The following ALDH16A1 variants were observed in gnomAD, a reference collection of about 807,000 sequenced individuals.
ALDH16A1 encodes the protein aldehyde dehydrogenase 16 family member A1.
ALDH16A1 carries 88 observed loss-of-function variants against 96.1 expected under a neutral mutation model. The ratio of observed to expected loss-of-function variants is 0.92; its 90% CI spans 0.77 to 1.09. The LOEUF (loss-of-function observed/expected upper bound fraction) is 1.09. Among genes scored for constraint, ALDH16A1 ranks in the 50% least tolerant of loss-of-function variants. The pLI is 0.00. For missense variants in ALDH16A1, 1,250 were observed against 1,112.6 expected (o/e 1.12, Z -1.76); for synonymous variants, 522 against 496.4 (o/e 1.05, Z -0.69).
Position 49,462,616 on chromosome 19 carries a change from T to C in ALDH16A1, c.959T>C (p.Met320Thr). 2 of 1,613,060 alleles carry C rather than the reference T, an allele frequency of 1.2e-6. No individual in the cohort carries two copies. Among genetic ancestry groups the C allele is most frequent in the Middle Eastern group, 1.9e-4 (1 of 5,256 alleles). ...LIQESVWDEA[M>T]RRLQERMGRL... Reference sequence around the variant, plus strand: ...CAGGAGTCTGTGTGGGATGAAGCCATGAGACGGCTGCAGGAGCGGATGGGG... The same window carrying C: ...CAGGAGTCTGTGTGGGATGAAGCCACGAGACGGCTGCAGGAGCGGATGGGG... The change falls in exon 8 of 17, where the codon ATG becomes ACG. Residue 320 changes from methionine (M) to threonine (T), a missense_variant. Transcript: ENST00000293350.
intron 2 of ALDH16A1, 98 bp downstream of exon 2, chr19:49,458,686 A>C: frequency 3.8e-6 from 5 of 1,315,506 alleles, no homozygotes; most frequent in Non-Finnish European, 5.3e-6. Flanking sequence ...CCCTGAGGGC[A>C]GGAAACAGCT....
At chr19:49,457,409 G>A (rs140005264) in intron 1 of ALDH16A1, among the ~76,000 whole-genome samples, 1 of 150,716 alleles carries the variant, frequency 6.6e-6, no homozygotes. Flanking sequence ...TTAGCCAGGC[G>A]TGGTGGCAGG....
In ALDH16A1 at chr19:49,463,856, G is replaced by A. The variant is rs745641611; in HGVS notation, c.1101G>A (p.Val367=). The A allele has an allele frequency of 6.2e-7, 1 of 1,613,052 alleles. No individual in the cohort carries two copies. The highest frequency in any genetic ancestry group is 8.5e-7 in the Non-Finnish European group (1 of 1,179,366). The stretch of plus-strand genomic sequence containing the variant: ...TTCTAGATCATTTCTCTCCCTAGGT[G>A]TTCCAGGCTGGTGATGTGCCTTCGG... ...VREAQSQGAQ[V]FQAGDVPSER... is the part of the protein sequence containing the mutation. The change falls in exon 9 of 17, where the codon GTG becomes GTA. Residue 367 remains valine, a splice_region_variant and synonymous_variant. Coordinates refer to ENST00000293350, the MANE Select transcript of ALDH16A1 (RefSeq NM_153329.4).
chr19:49,468,840 C>T lies in ALDH16A1; in HGVS notation c.2125-24C>T, dbSNP rs753944324. The T allele has an allele frequency of 6.2e-6, 10 of 1,607,148 alleles. No homozygotes were observed. Among genetic ancestry groups the T allele is most frequent in the Non-Finnish European group, 8.5e-6 (10 of 1,175,978 alleles). On this transcript the variant is annotated intron_variant, in intron 15 of 16. Transcript: ENST00000293350. This position sits in a 1 kb window ranked among gnomAD's most constrained non-coding sequence, Gnocchi z 4.4. ...TGCCCTGCCCCCACGGCCTCCCCAA[C>T]CTTTCACTCTCTCTATCCCCTAGGA...
At chr19:49,464,047 G>T in intron 9 of ALDH16A1, 80 bp from the exon 10 acceptor site, 1 of 1,577,806 alleles carries the variant, frequency 6.3e-7, no homozygotes, top group Non-Finnish European at 8.6e-7. Context: ...TGACCTGGGC[G>T]TGGGGGCTGC....
rs778735122 is a variant in ALDH16A1, at chr19:49,470,349, C to T, written c.2291C>T (p.Pro764Leu). Residue 764 changes from proline to leucine, a missense_variant, in exon 17 of 17, where the codon CCG becomes CTG. Coordinates refer to ENST00000293350, the MANE Select transcript of ALDH16A1 (RefSeq NM_153329.4). ...VEWASAGNLKPVWASRGCPRA... is the reference protein window; with the variant it reads ...VEWASAGNLKLVWASRGCPRA... ...TGGGCCTCGGCAGGAAACCTCAAAC[C>T]GGTGTGGGCGAGCAGGGGCTGCCCG... is the stretch of plus-strand genomic sequence containing the variant. 1.2e-5 allele frequency: 20 copies of T among 1,613,262 alleles called. No homozygotes were observed. Among genetic ancestry groups the T allele is most frequent in the Middle Eastern group, 1.6e-4 (1 of 6,084 alleles).
intron 1 of ALDH16A1, 187 bp downstream of exon 1, chr19:49,453,608 T>G (rs2079086153): frequency 3.6e-6 from 2 of 559,652 alleles, no homozygotes; most frequent in Non-Finnish European, 6.4e-6. Context: ...GGTGGCAGCC[T>G]TTTAGTCTGT....
At chr19:49,457,421 G>A (rs1365718562) in intron 1 of ALDH16A1, among the ~76,000 whole-genome samples, 4 of 151,396 alleles carry the variant, frequency 2.6e-5, no homozygotes, top group African/African-American at 9.7e-5. Context: ...GGTGGCAGGC[G>A]CATGTAGTCC....
intron 1 of ALDH16A1, among the ~76,000 whole-genome samples, chr19:49,454,435 C>G (rs1001596848): frequency 7.9e-5 from 12 of 152,074 alleles, no homozygotes; most frequent in Non-Finnish European, 1.8e-4. Context: ...GTTCAGGAAC[C>G]CCTGAAGTCC....
At chr19:49,466,341 A>AGGCT in intron 14 of ALDH16A1, 58 bp downstream of exon 14, 1 of 1,406,014 alleles carries the variant, frequency 7.1e-7, no homozygotes, top group Non-Finnish European at 9.3e-7. Context: ...CTCAGACCAG[A>AGGCT]GGCTGTGAGA....
chr19:49,465,823 G>A lies in ALDH16A1; in HGVS notation c.1654G>A (p.Gly552Ser). Residue 552 changes from glycine to serine, a missense_variant, in exon 13 of 17, where the codon GGC becomes AGC. Transcript: ENST00000293350. ...RSSRPIRDSS[G>S]NLHGYVAEGG... ...CTCCAGGCCCATCCGGGATTCGTCT[G>A]GCAACCTCCATGGCTACGTGGCTGA... is the stretch of plus-strand genomic sequence containing the variant. 1 of 1,614,142 alleles carries A rather than the reference G, an allele frequency of 6.2e-7. No homozygotes were observed. Among genetic ancestry groups the A allele is most frequent in the Non-Finnish European group, 8.5e-7 (1 of 1,180,014 alleles).
intron 7 of ALDH16A1, among the ~76,000 whole-genome samples, chr19:49,462,244 G>GATTCTC (rs879319925): frequency 0.76 from 116,059 of 151,764 alleles, 45,225 homozygotes; most frequent in Middle Eastern, 0.87. Context: ...CCTGGGAGTA[G>GATTCTC]CTGCCTCAGC....
At chr19:49,457,313 C>T (rs940336311) in intron 1 of ALDH16A1, among the ~76,000 whole-genome samples, 6 of 151,750 alleles carry the variant, frequency 4.0e-5, no homozygotes, top group Admixed American at 6.6e-5. Context: ...TTTGGGAGGC[C>T]GAGGCGGGCG....
rs940071643 is a variant in ALDH16A1, at chr19:49,459,549, G to T, written c.321-121G>T. Reference sequence around the variant, plus strand: ...AAATCTTCACTGCCCTCTGCCCCAGGTAAATGGTGGGGATGCCTCAGGGGC... The same window carrying T: ...AAATCTTCACTGCCCTCTGCCCCAGTTAAATGGTGGGGATGCCTCAGGGGC... On this transcript the variant is annotated intron_variant, in intron 3 of 16. Coordinates refer to ENST00000293350, the MANE Select transcript of ALDH16A1 (RefSeq NM_153329.4). This position sits in a 1 kb window ranked among gnomAD's most constrained non-coding sequence, Gnocchi z 4.1. The T allele has an allele frequency of 3.5e-6, 4 of 1,144,862 alleles. No individual in the cohort carries two copies. Among genetic ancestry groups the T allele is most frequent in the Non-Finnish European group, 4.8e-6 (4 of 830,462 alleles). 70.9% of individuals were successfully genotyped at this position (1,144,862 alleles called of 1,614,324 possible). A position where few individuals can be genotyped will look rare whatever the true frequency, so the allele number is the denominator to read the frequency against.
intron 1 of ALDH16A1, chr19:49,453,633 C>G: frequency 1.9e-6 from 1 of 522,332 alleles, no homozygotes; most frequent in South Asian, 2.7e-5. Flanking sequence ...GTCTTCCCCA[C>G]TGGTTCTCTT....
At chr19:49,454,094 A>G (rs1030917520) in intron 1 of ALDH16A1, among the ~76,000 whole-genome samples, 1 of 142,290 alleles carries the variant, frequency 7.0e-6, no homozygotes, top group East Asian at 2.0e-4. Context: ...GCGCTATCAC[A>G]CCACTGCAGC....
chr19:49,457,553 A>G (rs1201748385), intron 1 of ALDH16A1, among the ~76,000 whole-genome samples: 1 of 15,598 alleles, frequency 6.4e-5, no homozygotes, highest in East Asian at 5.4e-4. Context: ...GTCTCAAACA[A>G]AAAAAAAAAA....
At chr19:49,466,059 C>T in intron 13 of ALDH16A1, 23 bp from the exon 14 acceptor site, 2 of 1,539,968 alleles carry the variant, frequency 1.3e-6, no homozygotes, top group Non-Finnish European at 1.7e-6. Flanking sequence ...TGCCAACCCC[C>T]ACTGTGCGCT....
intron 14 of ALDH16A1, among the ~76,000 whole-genome samples, chr19:49,466,871 C>A (rs1023310829): frequency 5.1e-4 from 73 of 142,800 alleles, no homozygotes; most frequent in Non-Finnish European, 1.0e-3. Flanking sequence ...CAAAAAAAAA[C>A]AAAAAACAAA....
Sources: gnomAD v4.1 joint callset for allele counts (sites outside exome capture counted in the v4.1 genomes callset) on GRCh38, gnomAD v4.1.1 for gene constraint, Gnocchi (gnomAD v3.1) non-coding constraint, MANE v1.5 for transcripts, NCBI Gene and HGNC (gene_info 2026-07-23, HGNC 2026-07-21) for gene names.